DVL1: variants seen among roughly 807,000 people sequenced by gnomAD.
DVL1 encodes the protein dishevelled segment polarity protein 1, also known as segment polarity protein dishevelled homolog DVL-1.
A neutral mutation model predicts 65.0 loss-of-function variants in DVL1; 49 were observed. The observed-to-expected ratio is 0.75, with a 90% confidence interval of 0.60 to 0.96. The LOEUF (loss-of-function observed/expected upper bound fraction) is 0.96, where lower values mean the gene tolerates loss of function less well. DVL1 is among the 40% of genes least tolerant of loss of function. The pLI, the probability that DVL1 is intolerant of heterozygous loss-of-function variation, is 0.00. For missense variants in DVL1, 1,197 were observed against 1,045.4 expected (o/e 1.15, Z -2.00); for synonymous variants, 608 against 433.9 (o/e 1.40, Z -4.99).
rs764309779 is a variant in DVL1, at chr1:1,336,196, C to T, written c.2034G>A (p.Gln678=). ...GGTTCCCCATAGCCTTCTGGAAGGA[C>T]TGGCGGCTGCCTGTCAATTCCGGGG... ...AVPPELTGSR[Q]SFQKAMGNPC... is the part of the protein sequence containing the mutation. Residue 678 remains glutamine, a synonymous_variant, in exon 15 of 15, where the codon CAG becomes CAA. Coordinates refer to ENST00000378888, the MANE Select transcript of DVL1 (RefSeq NM_001330311.2). 6.4e-7 allele frequency: 1 copy of T among 1,566,066 alleles called. No homozygotes were observed. The highest frequency in any genetic ancestry group is 8.6e-7 in the Non-Finnish European group (1 of 1,161,298).
In DVL1 at chr1:1,340,059, C is replaced by T. The variant is rs776480963; in HGVS notation, c.888G>A (p.Glu296=). 9 of 1,612,790 alleles carry T rather than the reference C, an allele frequency of 5.6e-6. No homozygotes were observed. Among genetic ancestry groups the T allele is most frequent in the South Asian group, 1.1e-5 (1 of 91,070 alleles). The stretch of plus-strand genomic sequence containing the variant: ...ACACCTGCAGCAACATGTCGCCGGG[C>T]TCGATGCGGCCGTCAGCGGCCACAG... The part of the protein sequence containing the change: ...GGAVAADGRI[E]PGDMLLQVND... Residue 296 remains glutamate (E), a synonymous_variant, in exon 8 of 15, where the codon GAG becomes GAA. Coordinates refer to ENST00000378888, the MANE Select transcript of DVL1 (RefSeq NM_001330311.2).
chr1:1,346,807 T>C (rs1643920631), intron 1 of DVL1, among the ~76,000 whole-genome samples: 1 of 152,070 alleles, frequency 6.6e-6, no homozygotes, highest in Non-Finnish European at 1.5e-5. Flanking sequence ...TGAAGCTCCC[T>C]CTCTTATGAA....
intron 1 of DVL1, among the ~76,000 whole-genome samples, chr1:1,343,899 G>A (rs1282115876): frequency 2.0e-5 from 3 of 152,228 alleles, no homozygotes; most frequent in Non-Finnish European, 2.9e-5. Context: ...AAGCTGGCCA[G>A]GTGCCTCACC....
chr1:1,343,867 C>A (rs1643881468), intron 1 of DVL1, among the ~76,000 whole-genome samples: 1 of 152,196 alleles, frequency 6.6e-6, no homozygotes, highest in Admixed American at 6.5e-5. Flanking sequence ...GGATGCGGAG[C>A]CGGCAGGGCC....
chr1:1,342,883 C>T (rs1045993529), intron 1 of DVL1, 125 bp from the exon 2 acceptor site: 12 of 878,258 alleles, frequency 1.4e-5, no homozygotes, highest in Middle Eastern at 2.4e-4. Flanking sequence ...CCCCTGCTAG[C>T]GCATTCTCCT....
chr1:1,340,285 G>C lies in DVL1; in HGVS notation c.731C>G (p.Thr244Ser), dbSNP rs148148529. The change falls in exon 7 of 15, where the codon ACC (threonine) becomes AGC (serine). Residue 244 changes from threonine to serine, a missense_variant. By Grantham distance (58) the Thr-to-Ser change is moderately conservative. Coordinates refer to ENST00000378888, the MANE Select transcript of DVL1 (RefSeq NM_001330311.2). ...ASSFSSITDS[T>S]MSLNIVTVTL... The stretch of plus-strand genomic sequence containing the variant: ...GACAGTGACGATGTTGAGGGACATG[G>C]TGGAGTCGGTTATGCTGCTGAAGGA... 2 of 1,613,888 alleles carry C rather than the reference G, an allele frequency of 1.2e-6. No individual in the cohort carries two copies. The highest frequency in any genetic ancestry group is 2.2e-5 in the South Asian group (2 of 91,090).
At chr1:1,337,790 G>A (rs1174299485) in intron 14 of DVL1, 187 bp downstream of exon 14, 5 of 710,648 alleles carry the variant, frequency 7.0e-6, no homozygotes, top group Admixed American at 2.0e-5. Context: ...CCCACCCAGG[G>A]CCCAAGTACA....
chr1:1,337,961 G>A lies in DVL1; in HGVS notation c.1714+16C>T, dbSNP rs763149026. ...GGGCGGAGCCGGGGAAGGGCAGGTA[G>A]GGGCGGCGTTCTCACCTTCACTCTG... On this transcript the variant is annotated intron_variant, in intron 14 of 14. Coordinates refer to ENST00000378888, the MANE Select transcript of DVL1 (RefSeq NM_001330311.2). 1.2e-5 allele frequency: 19 copies of A among 1,606,790 alleles called. No homozygotes were observed. The Admixed American group carries it at 1.8e-4, about 16-fold the overall frequency.
At chr1:1,337,753 C>G (rs762731511) in intron 14 of DVL1, 1 of 699,828 alleles carries the variant, frequency 1.4e-6, no homozygotes, top group South Asian at 1.5e-5. Flanking sequence ...CCTGGATCCC[C>G]CTGGCACTTG....
Position 1,338,021 on chromosome 1 carries a change from C to G in DVL1, c.1670G>C (p.Gly557Ala). 6.2e-7 allele frequency: 1 copy of G among 1,612,002 alleles called. No homozygotes were observed. Among genetic ancestry groups the G allele is most frequent in the Non-Finnish European group, 8.5e-7 (1 of 1,179,718 alleles). The change falls in exon 14 of 15, where the codon GGC becomes GCC. Residue 557 changes from glycine (G) to alanine (A), a missense_variant. Coordinates refer to ENST00000378888, the MANE Select transcript of DVL1 (RefSeq NM_001330311.2). ...PCFPPAYQDP[G>A]FSYGSGSTGS... ...GGTGCTGCCGCTGCCATAGCTAAAG[C>G]CCGGGTCCTGGTAGGCAGGCGGGAA...
Position 1,340,292 on chromosome 1 carries a change from C to T in DVL1, c.724G>A (p.Asp242Asn), listed in dbSNP as rs767735434. Residue 242 changes from aspartate to asparagine, a missense_variant, in exon 7 of 15, where the codon GAC becomes AAC. Physicochemically the swap from Asp to Asn is conservative, Grantham distance 23 (BLOSUM62 1). Coordinates refer to ENST00000378888, the MANE Select transcript of DVL1 (RefSeq NM_001330311.2). ...DRASSFSSIT[D>N]STMSLNIVTV... ...ACGATGTTGAGGGACATGGTGGAGT[C>T]GGTTATGCTGCTGAAGGAGGAGGCC... The T allele has an allele frequency of 1.7e-5, 28 of 1,613,838 alleles. No individual in the cohort carries two copies. The highest frequency in any genetic ancestry group is 2.2e-5 in the East Asian group (1 of 44,880).
In DVL1 at chr1:1,349,110, G is replaced by A. The variant is rs150789461; in HGVS notation, c.-45C>T. 0.91 allele frequency: 1,055,676 copies of A among 1,164,476 alleles called. 482,640 individuals are homozygous for A. Among genetic ancestry groups the A allele is most frequent in the Non-Finnish European group, 0.93 (872,668 of 933,548 alleles). The allele number at this position is 1,164,476 out of a possible 1,614,324, so 72.1% of individuals were successfully genotyped here. ...GCCCGCGCGCTCAGGGCCCGGCCCG[G>A]GGCTCGGACGCGGGGCGCTACCCGC... is the stretch of plus-strand genomic sequence containing the variant. On this transcript the variant is annotated 5_prime_UTR_variant, in exon 1 of 15. Transcript: ENST00000378888. This position sits in a 1 kb window ranked among gnomAD's most constrained non-coding sequence, Gnocchi z 4.1.
At chr1:1,339,016 T>A (rs1480469100) in intron 11 of DVL1, among the ~76,000 whole-genome samples, 1 of 152,132 alleles carries the variant, frequency 6.6e-6, no homozygotes. Flanking sequence ...GGAAGCAGAA[T>A]GGAGACCTGG....
At position 1,347,466 on chromosome 1, in the gene DVL1, G is replaced by A. The variant is rs563001306; in HGVS notation, c.170+1430C>T. Among the ~76,000 whole-genome samples the A allele has an allele frequency of 3.3e-5, 5 of 152,326 alleles. No homozygotes were observed. In the East Asian group the frequency reaches 5.8e-4, roughly 18 times the overall value. The stretch of plus-strand genomic sequence containing the variant: ...CAGCCCCCGGTGGGTGTCAGGAGCA[G>A]AAGGCGGACTCCCCCAGGGCTTCAT... On this transcript the variant is annotated intron_variant, in intron 1 of 14. Coordinates refer to ENST00000378888, the MANE Select transcript of DVL1 (RefSeq NM_001330311.2).
chr1:1,341,801 G>C lies in DVL1; in HGVS notation c.471C>G (p.Ala157=). 1.3e-6 allele frequency: 2 copies of C among 1,580,192 alleles called. No homozygotes were observed. The highest frequency in any genetic ancestry group is 1.8e-5 in the Admixed American group (1 of 57,120). ...RARRRNREEA[A]RTNGHPRGDR... is the part of the protein sequence containing the mutation. ...CTCCCCTTGGGTGCCCATTGGTCCG[G>C]GCGGCTGTGGGGGCAGCAGGTTGGG... The change falls in exon 5 of 15, where the codon GCC becomes GCG. Residue 157 remains alanine (A), a synonymous_variant. Coordinates refer to ENST00000378888, the MANE Select transcript of DVL1 (RefSeq NM_001330311.2).
rs1464260083 is a variant in DVL1 at position 1,341,082 on chromosome 1, TGCACACAG to T, written c.605+577_606-580del. On this transcript the variant is annotated intron_variant, in intron 5 of 14. Transcript: ENST00000378888. ...ATGCACACCTGCACACACGCACCCC[TGCACACAG>T]GCACACCTGCACACACCTGCACACG... 3.5e-3 allele frequency among the ~76,000 whole-genome samples: 450 copies of T among 129,970 alleles called. 2 individuals are homozygous for T. Among genetic ancestry groups the T allele is most frequent in the Admixed American group, 5.3e-3 (69 of 12,976 alleles). The allele number at this position is 129,970 out of a possible 152,430, so 85.3% of individuals were successfully genotyped here. A position where few individuals can be genotyped will look rare whatever the true frequency, so the allele number is the denominator to read the frequency against.
In DVL1 at chr1:1,341,676, C is replaced by A; in HGVS notation, c.596G>T (p.Ser199Ile). Residue 199 changes from serine (S) to isoleucine (I), a missense_variant, in exon 5 of 15, where the codon AGC becomes ATC. Physicochemically the swap from Ser to Ile is moderately radical, Grantham distance 142. Transcript: ENST00000378888. ...AGACACTCCCACACACCTGCTCGTG[C>A]TGCCATCCTCGTCCGAGTCCACAAA... ...SSFVDSDEDG[S>I]TSRLSSSTEQ... is the part of the protein sequence containing the mutation. The A allele has an allele frequency of 6.2e-7, 1 of 1,604,306 alleles. No individual in the cohort carries two copies.
intron 5 of DVL1, 127 bp downstream of exon 5, chr1:1,341,540 G>T: frequency 8.2e-7 from 1 of 1,220,014 alleles, no homozygotes; most frequent in African/African-American, 1.6e-5. Flanking sequence ...ACATTTGCAG[G>T]CACACACATG....
At chr1:1,339,517 G>A (rs566701872) in intron 10 of DVL1, 65 bp downstream of exon 10, 80 of 1,553,492 alleles carry the variant, frequency 5.1e-5, no homozygotes, top group Non-Finnish European at 6.3e-5. Context: ...ACAGAGGAGA[G>A]AGGCCTTCAG....
Sources: gnomAD v4.1 joint callset for allele counts (sites outside exome capture counted in the v4.1 genomes callset) on GRCh38, gnomAD v4.1.1 for gene constraint, Gnocchi (gnomAD v3.1) non-coding constraint, MANE v1.5 for transcripts, NCBI Gene and HGNC (gene_info 2026-07-23, HGNC 2026-07-21) for gene names.